The following DLGAP3 variants were observed in gnomAD, a reference collection of about 807,000 sequenced individuals.
DLGAP3 encodes DLG associated protein 3, also known as disks large-associated protein 3.
DLGAP3 carries 17 observed loss-of-function variants against 81.2 expected under a neutral mutation model. The observed-to-expected ratio is 0.21, with a 90% CI of 0.14 to 0.31. The LOEUF is 0.31. Among genes scored for constraint, DLGAP3 ranks in the 10% least tolerant of loss-of-function variants. DLGAP3 has a pLI of 1.00. For missense variants in DLGAP3, 1,124 were observed against 1,388.0 expected (o/e 0.81, Z 3.02); for synonymous variants, 577 against 587.4 (o/e 0.98, Z 0.26).
chr1:34,867,557 G>C lies in DLGAP3; in HGVS notation c.2556C>G (p.Phe852Leu). Reference sequence around the variant, plus strand: ...TCACCATGCTTTGCTGACACAGCCGGAAGAACTGCTGAACCTTCTGGGACA... The same window carrying C: ...TCACCATGCTTTGCTGACACAGCCGCAAGAACTGCTGAACCTTCTGGGACA... ...LLLSQKVQQFFRLCQQSMDPT... is the reference protein window; with the variant it reads ...LLLSQKVQQFLRLCQQSMDPT... Residue 852 changes from phenylalanine (F) to leucine (L), a missense_variant, in exon 10 of 12, where the codon TTC becomes TTG. By Grantham distance (22) the Phe-to-Leu change is conservative. Transcript: ENST00000373347. This position sits in a 1 kb window ranked among gnomAD's most constrained non-coding sequence, Gnocchi z 4.3. 3.7e-6 allele frequency: 6 copies of C among 1,614,048 alleles called. No homozygotes were observed. The East Asian group carries it at 1.3e-4, about 36-fold the overall frequency.
intron 2 of DLGAP3, among the ~76,000 whole-genome samples, chr1:34,906,246 A>G (rs1639555260): frequency 1.3e-5 from 2 of 151,714 alleles, no homozygotes; most frequent in Admixed American, 6.6e-5. Flanking sequence ...AAAATAGTCA[A>G]AGAAACCAGT....
chr1:34,922,696 C>T (rs143809064), intron 1 of DLGAP3, among the ~76,000 whole-genome samples: 7 of 152,304 alleles, frequency 4.6e-5, no homozygotes, highest in Non-Finnish European at 8.8e-5. Context: ...TACTTATGTA[C>T]ATATACACAG....
At chr1:34,869,582 C>T (rs931128319) in intron 8 of DLGAP3, among the ~76,000 whole-genome samples, 4 of 150,836 alleles carry the variant, frequency 2.7e-5, no homozygotes, top group South Asian at 4.2e-4. Flanking sequence ...CTCCGCCTCC[C>T]GGGTTCAAGC....
chr1:34,905,466 T>C, intron 2 of DLGAP3, 32 bp from the exon 3 acceptor site: 3 of 1,418,440 alleles, frequency 2.1e-6, no homozygotes, highest in Non-Finnish European at 2.8e-6. Context: ...GTATTTGAAT[T>C]GAACAGCCCT....
In DLGAP3 at chr1:34,876,255, A is replaced by G. The variant is rs190338039; in HGVS notation, c.2001-7166T>C. ...TCACTGACACTGGGCAACTGGAAGG[A>G]CTCACAGACAATTCCCAGACAGAAG... On this transcript the variant is annotated intron_variant, in intron 8 of 11. Transcript: ENST00000373347. Among the ~76,000 whole-genome samples, 31 of 152,344 alleles carry G rather than the reference A, an allele frequency of 2.0e-4. No individual in the cohort carries two copies. The East Asian group carries it at 5.4e-3, about 26-fold the overall frequency.
At chr1:34,899,087 C>CTT (rs58075518) in intron 5 of DLGAP3, among the ~76,000 whole-genome samples, 14,463 of 141,820 alleles carry the variant, frequency 0.1, 853 homozygotes, top group Middle Eastern at 0.18. Flanking sequence ...ATCAATTCTA[C>CTT]TTTTTTTTTT....
At chr1:34,869,247 C>T (rs537667282) in intron 8 of DLGAP3, among the ~76,000 whole-genome samples, 158 bp from the exon 9 acceptor site, 22 of 152,302 alleles carry the variant, frequency 1.4e-4, no homozygotes, top group Middle Eastern at 3.4e-3. Flanking sequence ...GCAACAGCTA[C>T]GTACATAATA....
At chr1:34,893,627 G>A (rs1212279934) in intron 5 of DLGAP3, among the ~76,000 whole-genome samples, 1 of 152,154 alleles carries the variant, frequency 6.6e-6, no homozygotes, top group African/African-American at 2.4e-5. Context: ...GGTAATATAT[G>A]ACAGTAATAG....
Position 34,887,880 on chromosome 1 carries a change from C to T in DLGAP3, c.1387-1595G>A, listed in dbSNP as rs1018252203. Among the ~76,000 whole-genome samples the T allele has an allele frequency of 7.2e-5, 11 of 152,164 alleles. 1 individual carries two copies. The highest frequency in any genetic ancestry group is 1.5e-5 in the Non-Finnish European group (1 of 68,028). On this transcript the variant is annotated intron_variant, in intron 5 of 11. Transcript: ENST00000373347. ...GGGACTGAAAGAAAAACATGTGAGC[C>T]TTTTGGTACAGGTACTGGCACATAG...
intron 1 of DLGAP3, among the ~76,000 whole-genome samples, chr1:34,911,673 C>G (rs963431099): frequency 2.6e-5 from 4 of 152,114 alleles, no homozygotes; most frequent in Non-Finnish European, 5.9e-5. Context: ...AAGAAATTAC[C>G]CAATTTAGCA....
intron 1 of DLGAP3, among the ~76,000 whole-genome samples, chr1:34,911,024 C>CT (rs113143380): frequency 1.5e-5 from 1 of 65,884 alleles, no homozygotes; most frequent in Non-Finnish European, 4.2e-5. Flanking sequence ...TATTATCCAC[C>CT]CCCCCCCCAC....
At chr1:34,909,578 T>C (rs999915486) in intron 1 of DLGAP3, among the ~76,000 whole-genome samples, 1 of 152,170 alleles carries the variant, frequency 6.6e-6, no homozygotes, top group African/African-American at 2.4e-5. Flanking sequence ...AAATCCCCAG[T>C]GTCCAAATAG....
At chr1:34,876,796 A>T (rs1460981934) in intron 8 of DLGAP3, among the ~76,000 whole-genome samples, 1 of 152,072 alleles carries the variant, frequency 6.6e-6, no homozygotes, top group Non-Finnish European at 1.5e-5. Flanking sequence ...CTCACCAAGC[A>T]CTTACACAAG....
At position 34,902,518 on chromosome 1, in the gene DLGAP3, T is replaced by A. The variant is rs1357281484; in HGVS notation, c.1107+1759A>T. Among the ~76,000 whole-genome samples the A allele has an allele frequency of 2.0e-5, 3 of 152,052 alleles. No individual in the cohort carries two copies. Among genetic ancestry groups the A allele is most frequent in the Admixed American group, 2.0e-4 (3 of 15,286 alleles). ...AGTCCAGCAAAGACACCTGGCCTCA[T>A]GGGGCCAGCCTCCCCTGCTTTTGTA... is the stretch of plus-strand genomic sequence containing the variant. On this transcript the variant is annotated intron_variant, in intron 3 of 11. Transcript: ENST00000373347. The surrounding 1 kb of genome is among the most constrained non-coding windows in gnomAD (Gnocchi z 4.4).
chr1:34,882,280 C>A (rs1639157320), intron 8 of DLGAP3, among the ~76,000 whole-genome samples: 1 of 152,162 alleles, frequency 6.6e-6, no homozygotes, highest in African/African-American at 2.4e-5. Flanking sequence ...AGCTTGAGAC[C>A]AGCCTGGCTA....
rs1639924803 is a variant in DLGAP3, at chr1:34,929,537, C to T, written c.-221G>A. 6.7e-6 allele frequency: 1 copy of T among 149,400 alleles called. No individual in the cohort carries two copies. Among genetic ancestry groups the T allele is most frequent in the South Asian group, 2.1e-4 (1 of 4,824 alleles). 9.3% of individuals were successfully genotyped at this position (149,400 alleles called of 1,614,324 possible). ...CGGCGTTGGGCAGGCGGGCAGGGAC[C>T]GGGGCCCGGCACTGCGGAGCCCCCA... is the stretch of plus-strand genomic sequence containing the variant. On this transcript the variant is annotated 5_prime_UTR_variant, in exon 1 of 12. Transcript: ENST00000373347. The surrounding 1 kb of genome is among the most constrained non-coding windows in gnomAD (Gnocchi z 6.5).
In DLGAP3 at chr1:34,896,928, G is replaced by T. The variant is rs978977878; in HGVS notation, c.1386+2741C>A. ...GGTCATCACACTACCCTAGGTTTAGGCCAAGGGGTAATCACAGATAATCTG... is the reference window on the plus strand; with the variant it reads ...GGTCATCACACTACCCTAGGTTTAGTCCAAGGGGTAATCACAGATAATCTG... On this transcript the variant is annotated intron_variant, in intron 5 of 11. Transcript: ENST00000373347. Among the ~76,000 whole-genome samples, 6 of 152,080 alleles carry T rather than the reference G, an allele frequency of 3.9e-5. No homozygotes were observed. In the South Asian group the frequency reaches 8.3e-4, roughly 21 times the overall value.
At chr1:34,909,322 C>T (rs1639606326) in intron 1 of DLGAP3, among the ~76,000 whole-genome samples, 1 of 152,174 alleles carries the variant, frequency 6.6e-6, no homozygotes, top group Non-Finnish European at 1.5e-5. Flanking sequence ...CCAGACAGAT[C>T]ACCCCTCAAC....
At chr1:34,910,113 C>T (rs1428942645) in intron 1 of DLGAP3, among the ~76,000 whole-genome samples, 1 of 152,200 alleles carries the variant, frequency 6.6e-6, no homozygotes, top group African/African-American at 2.4e-5. Flanking sequence ...CTTGCCACCA[C>T]AAAAGGCCTA....
Sources: gnomAD v4.1 joint callset for allele counts (sites outside exome capture counted in the v4.1 genomes callset) on GRCh38, gnomAD v4.1.1 for gene constraint, Gnocchi (gnomAD v3.1) non-coding constraint, MANE v1.5 for transcripts, NCBI Gene and HGNC (gene_info 2026-07-23, HGNC 2026-07-21) for gene names.